Variants in CSMD1 observed in about 807,000 individuals in gnomAD.
The protein encoded by CSMD1 is CUB and Sushi multiple domains 1, also known as CUB and sushi domain-containing protein 1.
In CSMD1, 213 loss-of-function variants were observed where a neutral mutation model predicts 417.5. That is an observed-to-expected ratio of 0.51 (90% confidence interval 0.46 to 0.57). CSMD1 has a LOEUF of 0.57. CSMD1 is among the 20% of genes least tolerant of loss of function. The probability of loss-of-function intolerance (pLI) is 0.00; values close to 1 mark genes in which losing one functional copy is unlikely to be tolerated. For missense variants in CSMD1, 6,923 were observed against 4,529.7 expected (o/e 1.53, Z -15.17); for synonymous variants, 2,862 against 1,736.8 (o/e 1.65, Z -16.11).
chr8:3,792,902 G>A (rs1174464413), intron 5 of CSMD1, among the ~76,000 whole-genome samples: 1 of 152,142 alleles, frequency 6.6e-6, no homozygotes, highest in African/African-American at 2.4e-5. Flanking sequence ...TAACCTACCT[G>A]AGATTTACCG....
At chr8:3,411,369 T>A (rs1334315340) in intron 12 of CSMD1, among the ~76,000 whole-genome samples, 1 of 151,890 alleles carries the variant, frequency 6.6e-6, no homozygotes, top group Non-Finnish European at 1.5e-5. Context: ...TTCCTTTTCT[T>A]TATTTCCATA....
chr8:4,992,507 T>A (rs1811525985), intron 1 of CSMD1, among the ~76,000 whole-genome samples: 1 of 151,948 alleles, frequency 6.6e-6, no homozygotes, highest in Non-Finnish European at 1.5e-5. Context: ...TTTTGCGGAG[T>A]TGCGTGGCAG....
chr8:3,617,574 G>A (rs1584968008), intron 7 of CSMD1, among the ~76,000 whole-genome samples: 1 of 152,222 alleles, frequency 6.6e-6, no homozygotes, highest in Admixed American at 6.5e-5. Flanking sequence ...AAACATTACA[G>A]GATGCTAATA....
chr8:4,331,109 T>C (rs1052844763), intron 3 of CSMD1, among the ~76,000 whole-genome samples: 3 of 152,170 alleles, frequency 2.0e-5, no homozygotes, highest in African/African-American at 7.2e-5. Context: ...AATAGCAAAA[T>C]GAAAATATAT....
intron 1 of CSMD1, among the ~76,000 whole-genome samples, chr8:4,679,137 T>G (rs897392523): frequency 1.3e-5 from 2 of 152,160 alleles, no homozygotes; most frequent in African/African-American, 4.8e-5. Flanking sequence ...GTACTTTCCC[T>G]TCTTGATATG....
At chr8:4,236,883 T>A (rs1181752408) in intron 3 of CSMD1, among the ~76,000 whole-genome samples, 2 of 152,110 alleles carry the variant, frequency 1.3e-5, no homozygotes, top group African/African-American at 2.4e-5. Flanking sequence ...GGCCAGGCAA[T>A]GGTATAAATT....
intron 2 of CSMD1, among the ~76,000 whole-genome samples, chr8:4,432,334 G>A (rs1797918100): frequency 6.6e-6 from 1 of 152,082 alleles, no homozygotes; most frequent in African/African-American, 2.4e-5. Context: ...CTTACTCAAA[G>A]GACTGCTTGT....
chr8:4,923,536 A>T (rs1228435989), intron 1 of CSMD1, among the ~76,000 whole-genome samples: 1 of 152,054 alleles, frequency 6.6e-6, no homozygotes, highest in Non-Finnish European at 1.5e-5. Flanking sequence ...TCATATATAT[A>T]TATACTATGT....
chr8:3,860,293 G>A (rs769348860), intron 5 of CSMD1, among the ~76,000 whole-genome samples: 4 of 151,988 alleles, frequency 2.6e-5, no homozygotes, highest in South Asian at 2.1e-4. Flanking sequence ...CTTGGGAAAC[G>A]TCCATAAAAA....
At chr8:3,079,120 G>A (rs1291997961) in intron 49 of CSMD1, among the ~76,000 whole-genome samples, 2 of 152,154 alleles carry the variant, frequency 1.3e-5, no homozygotes, top group South Asian at 2.1e-4. Context: ...GCACAGTACT[G>A]TACCCAAGCA....
chr8:4,759,038 G>A (rs1201032175), intron 1 of CSMD1, among the ~76,000 whole-genome samples: 2 of 152,196 alleles, frequency 1.3e-5, no homozygotes, highest in South Asian at 2.1e-4. Context: ...ATGCGGAGAT[G>A]GAGTTGATGT....
At chr8:4,441,729 A>C (rs1353141025) in intron 2 of CSMD1, among the ~76,000 whole-genome samples, 2 of 152,188 alleles carry the variant, frequency 1.3e-5, no homozygotes, top group African/African-American at 2.4e-5. Flanking sequence ...GAGATAAATG[A>C]AAATTTTTAC....
intron 38 of CSMD1, among the ~76,000 whole-genome samples, chr8:3,161,231 T>A (rs143183711): frequency 2.6e-4 from 40 of 152,228 alleles, no homozygotes; most frequent in African/African-American, 8.7e-4. Flanking sequence ...TTACTCATGG[T>A]TAAACTAGAA....
At chr8:3,619,272 G>T (rs977949312) in intron 7 of CSMD1, among the ~76,000 whole-genome samples, 22 of 152,120 alleles carry the variant, frequency 1.4e-4, no homozygotes, top group African/African-American at 4.8e-4. Flanking sequence ...AACACCTAAA[G>T]TCTTCAGTCC....
chr8:3,273,663 G>T (rs1328908230), intron 26 of CSMD1, among the ~76,000 whole-genome samples: 1 of 152,200 alleles, frequency 6.6e-6, no homozygotes, highest in Non-Finnish European at 1.5e-5. Context: ...AGTCTTGGGA[G>T]AGTGTATGTG....
chr8:3,283,325 G>A (rs1438754095), intron 26 of CSMD1, among the ~76,000 whole-genome samples: 7 of 152,234 alleles, frequency 4.6e-5, no homozygotes, highest in African/African-American at 1.2e-4. Flanking sequence ...ACCTGGAATC[G>A]GGGCTGGGTT....
intron 69 of CSMD1, among the ~76,000 whole-genome samples, chr8:2,941,469 G>A (rs1271380741): frequency 1.3e-5 from 2 of 152,156 alleles, no homozygotes; most frequent in Non-Finnish European, 2.9e-5. Flanking sequence ...TGTAGTTAAT[G>A]CTACCATTTC....
chr8:4,192,820 T>C (rs996807108), intron 3 of CSMD1, among the ~76,000 whole-genome samples: 6 of 152,332 alleles, frequency 3.9e-5, no homozygotes, highest in Middle Eastern at 3.4e-3. Context: ...TCATTACTTG[T>C]GGTAAACGCT....
intron 17 of CSMD1, among the ~76,000 whole-genome samples, chr8:3,389,271 C>T (rs1163007457): frequency 6.6e-6 from 1 of 152,094 alleles, no homozygotes; most frequent in African/African-American, 2.4e-5. Context: ...TTCCTGCTAC[C>T]CTCAACCCTC....
Sources: gnomAD v4.1 joint callset for allele counts (sites outside exome capture counted in the v4.1 genomes callset) on GRCh38, gnomAD v4.1.1 for gene constraint, MANE v1.5 for transcripts, NCBI Gene and HGNC (gene_info 2026-07-23, HGNC 2026-07-21) for gene names.